ECE2: variants seen among roughly 807,000 people sequenced by gnomAD.
The protein encoded by ECE2 is endothelin-converting enzyme 2.
A neutral mutation model predicts 100.6 loss-of-function variants in ECE2; 81 were observed. The ratio of observed to expected loss-of-function variants is 0.81; its 90% CI spans 0.67 to 0.97. The LOEUF is 0.97. Among genes scored for constraint, ECE2 ranks in the 50% least tolerant of loss-of-function variants. The pLI is 0.00. For synonymous variants in ECE2, 391 were observed against 391.5 expected, an observed-to-expected ratio of 1.00 and a Z score of 0.02; for missense variants, 911 against 988.1, an observed-to-expected ratio of 0.92 and a Z score of 1.05.
At chr3:184,277,799 T>G in intron 4 of ECE2, 126 bp from the exon 5 acceptor site, 1 of 1,437,524 alleles carries the variant, frequency 7.0e-7, no homozygotes. Flanking sequence ...TTTCAGACAC[T>G]CTTCCTGGGT....
chr3:184,283,816 A>C lies in ECE2; in HGVS notation c.848A>C (p.Glu283Ala). 6.2e-7 allele frequency: 1 copy of C among 1,613,698 alleles called. No homozygotes were observed. The highest frequency in any genetic ancestry group is 8.5e-7 in the Non-Finnish European group (1 of 1,179,950). The change falls in exon 8 of 19, where the codon GAA becomes GCA. Residue 283 changes from glutamate to alanine, a missense_variant. Glu to Ala is a moderately radical substitution (Grantham distance 107). Coordinates refer to ENST00000404464, the MANE Select transcript of ECE2 (RefSeq NM_001100121.2). ...ACTGCCTATCTGGATTACATGGAGG[A>C]ACTGGGGATGCTGCTGGGTGGGCGG... ...VLTAYLDYME[E>A]LGMLLGGRPT...
At chr3:184,280,573 A>G (rs372349239) in intron 7 of ECE2, among the ~76,000 whole-genome samples, 1 of 152,328 alleles carries the variant, frequency 6.6e-6, no homozygotes. Context: ...TAACCAGGCC[A>G]GGCAGGGTGT....
rs761920222 is a variant in ECE2 at position 184,277,386 on chromosome 3, C to T, written c.398C>T (p.Pro133Leu). The change falls in exon 4 of 19, where the codon CCC becomes CTC. Residue 133 changes from proline (P) to leucine (L), a missense_variant. By Grantham distance (98) the Pro-to-Leu change is moderately conservative (BLOSUM62 -3). Transcript: ENST00000404464. Reference protein sequence around the residue: ...FSCGGWIRRNPLPDGRSRWNT... With the variant: ...FSCGGWIRRNLLPDGRSRWNT... ...TGTGGGGGCTGGATTCGGAGGAACC[C>T]CCTGCCCGATGGGCGTTCTCGCTGG... The T allele has an allele frequency of 1.2e-6, 2 of 1,614,234 alleles. No individual in the cohort carries two copies. Among genetic ancestry groups the T allele is most frequent in the South Asian group, 2.2e-5 (2 of 91,090 alleles).
At chr3:184,276,763 G>T (rs967533077) in intron 2 of ECE2, 129 bp from the exon 3 acceptor site, 2 of 1,559,528 alleles carry the variant, frequency 1.3e-6, no homozygotes, top group South Asian at 1.2e-5. Context: ...CAACTCACTG[G>T]CTGGCCTCAT....
chr3:184,289,455 G>A lies in ECE2; in HGVS notation c.1393G>A (p.Glu465Lys), dbSNP rs768465087. ...CTCCCAGGCAGAGGGGATGATCAGC[G>A]AAATCCGGACCGCATTTGAGGAGGC... ...SKEIAEGMIS[E>K]IRTAFEEALG... is the part of the protein sequence containing the mutation. The change falls in exon 12 of 19, where the codon GAA becomes AAA. Residue 465 changes from glutamate to lysine, a missense_variant. Coordinates refer to ENST00000404464, the MANE Select transcript of ECE2 (RefSeq NM_001100121.2). The surrounding 1 kb of genome is among the most constrained non-coding windows in gnomAD (Gnocchi z 4.1). 4.4e-6 allele frequency: 7 copies of A among 1,608,786 alleles called. No individual in the cohort carries two copies. The highest frequency in any genetic ancestry group is 1.1e-5 in the South Asian group (1 of 90,102).
chr3:184,282,952 C>T (rs1720868553), intron 7 of ECE2, among the ~76,000 whole-genome samples: 1 of 152,156 alleles, frequency 6.6e-6, no homozygotes, highest in African/African-American at 2.4e-5. Context: ...GAGAAAGCAG[C>T]TAGCTTGAGG....
chr3:184,290,385 A>G (rs760260018), intron 14 of ECE2, 27 bp downstream of exon 14: 1 of 1,606,136 alleles, frequency 6.2e-7, no homozygotes, highest in South Asian at 1.1e-5. Flanking sequence ...GGACATAGAC[A>G]CTAGGGGTGG....
chr3:184,290,315 A>T lies in ECE2; in HGVS notation c.1612A>T (p.Lys538Ter). The T allele has an allele frequency of 3.1e-6, 5 of 1,614,134 alleles. No homozygotes were observed. The highest frequency in any genetic ancestry group is 4.2e-6 in the Non-Finnish European group (5 of 1,180,012). The change falls in exon 14 of 19, where the codon AAG (lysine) becomes TAG (stop). Residue 538 changes from lysine (K) to a stop codon, truncating the protein, a stop_gained. Transcript: ENST00000404464. LOFTEE classifies it high-confidence loss of function. ...GTTGAATTTGTACAACTTCTCTGCC[A>T]AGGTTATGGCTGACCAGCTCCGCAA... ...NMLNLYNFSAKVMADQLRKPP... is the reference protein window; with the variant it reads ...NMLNLYNFSA
chr3:184,285,439 C>T (rs1560185375), intron 9 of ECE2, 39 bp from the exon 10 acceptor site: 1 of 1,476,556 alleles, frequency 6.8e-7, no homozygotes, highest in East Asian at 2.3e-5. Context: ...TGAAGGGCAT[C>T]CCACCTGCCC....
Position 184,290,866 on chromosome 3 carries a change from G to A in ECE2, c.1834+6G>A. 6.2e-7 allele frequency: 1 copy of A among 1,614,182 alleles called. No homozygotes were observed. The highest frequency in any genetic ancestry group is 8.5e-7 in the Non-Finnish European group (1 of 1,180,036). On this transcript the variant is annotated splice_donor_region_variant and intron_variant, in intron 16 of 18. Transcript: ENST00000404464. ...GCATGCCTTTGATGACCAAGGTAGG[G>A]GCCCATGGAGTCGTCCCCTCTAGCC... is the stretch of plus-strand genomic sequence containing the variant.
At chr3:184,286,837 G>A (rs966186737) in intron 10 of ECE2, among the ~76,000 whole-genome samples, 1 of 151,632 alleles carries the variant, frequency 6.6e-6, no homozygotes, top group African/African-American at 2.4e-5. Context: ...ACTGAGTGTG[G>A]TGGCTCGTGC....
At chr3:184,276,278 C>A in intron 1 of ECE2, 86 bp downstream of exon 1, 1 of 1,423,542 alleles carries the variant, frequency 7.0e-7, no homozygotes, top group East Asian at 2.5e-5. Context: ...GCAGGCGGTG[C>A]CCGGCTCGCG....
In ECE2 at chr3:184,292,236, T is replaced by C. The variant is rs1432631584; in HGVS notation, c.2296T>C (p.Ter766GlnextTer44). 1.2e-5 allele frequency: 20 copies of C among 1,613,814 alleles called. No homozygotes were observed. The highest frequency in any genetic ancestry group is 1.5e-5 in the Non-Finnish European group (18 of 1,179,918). Residue 766 changes from the stop codon to glutamine, a stop_lost, in exon 19 of 19, where the codon TAG (stop) becomes CAG (glutamine). Coordinates refer to ENST00000404464, the MANE Select transcript of ECE2 (RefSeq NM_001100121.2). The stretch of plus-strand genomic sequence containing the variant: ...CCCAGGGCAGCTGTGTGAGGTGTGG[T>C]AGACCTGGATCAGGGGAGAAATGGC... ...MNPGQLCEVW[*>Q] is the part of the protein sequence containing the mutation.
At position 184,292,619 on chromosome 3, in the gene ECE2, C is replaced by T. The variant is rs2108435846; in HGVS notation, c.*381C>T. 3.9e-6 allele frequency: 1 copy of T among 258,740 alleles called. No individual in the cohort carries two copies. The highest frequency in any genetic ancestry group is 2.2e-5 in the African/African-American group (1 of 46,104). The allele number at this position is 258,740 out of a possible 1,614,324, so 16.0% of individuals were successfully genotyped here. ...ACCCACAGGCCTGGGTGGTGTACCT[C>T]CTGGACTTCTCCCCAGGCTCACTCA... On this transcript the variant is annotated 3_prime_UTR_variant, in exon 19 of 19. Transcript: ENST00000404464.
rs1357674416 is a variant in ECE2, at chr3:184,291,175, G to A, written c.1970G>A (p.Arg657His). The A allele has an allele frequency of 1.5e-5, 24 of 1,613,736 alleles. No individual in the cohort carries two copies. The highest frequency in any genetic ancestry group is 1.1e-4 in the African/African-American group (8 of 74,944). Residue 657 changes from arginine (R) to histidine (H), a missense_variant, in exon 17 of 19, where the codon CGC becomes CAC. Arg to His is a conservative substitution (Grantham distance 29, BLOSUM62 0). Coordinates refer to ENST00000404464, the MANE Select transcript of ECE2 (RefSeq NM_001100121.2). This position sits in a 1 kb window ranked among gnomAD's most constrained non-coding sequence, Gnocchi z 4.1. ...GTCAATGGGGAGAGGCTCAACGGCC[G>A]CCAGACGCTGGGGGAGAACATTGCT... ...YQVNGERLNG[R>H]QTLGENIADN...
rs372743475 is a variant in ECE2, at chr3:184,289,412, G to C, written c.1375-25G>C. ...AGGGATGCATTCAGTGCAGGGGAAG[G>C]CTGACTTTACCTCCTCCCTCCCAGG... On this transcript the variant is annotated intron_variant, in intron 11 of 18. Transcript: ENST00000404464. This position sits in a 1 kb window ranked among gnomAD's most constrained non-coding sequence, Gnocchi z 4.1. The C allele has an allele frequency of 3.6e-5, 56 of 1,575,010 alleles. No individual in the cohort carries two copies. In the African/African-American group the frequency reaches 6.5e-4, roughly 18 times the overall value.
At position 184,276,076 on chromosome 3, in the gene ECE2, G is replaced by C. The variant is rs1224164924; in HGVS notation, c.-78G>C. The C allele has an allele frequency of 1.6e-6, 2 of 1,225,476 alleles. No homozygotes were observed. The highest frequency in any genetic ancestry group is 2.0e-6 in the Non-Finnish European group (2 of 983,460). 75.9% of individuals were successfully genotyped at this position (1,225,476 alleles called of 1,614,324 possible). A position where few individuals can be genotyped will look rare whatever the true frequency, so the allele number is the denominator to read the frequency against. On this transcript the variant is annotated 5_prime_UTR_variant, in exon 1 of 19. Coordinates refer to ENST00000404464, the MANE Select transcript of ECE2 (RefSeq NM_001100121.2). ...CGTGATGGCTGGTGACGGCGGGGCC[G>C]GGCAGGGGACCGGGGCCGCGGCCCG...
chr3:184,289,377 T>C lies in ECE2; in HGVS notation c.1375-60T>C. ...ACAGGGATGGGGCACCAAGGGTGGA[T>C]GGGTGGGGCAGGGATGCATTCAGTG... On this transcript the variant is annotated intron_variant, in intron 11 of 18. Coordinates refer to ENST00000404464, the MANE Select transcript of ECE2 (RefSeq NM_001100121.2). The surrounding 1 kb of genome is among the most constrained non-coding windows in gnomAD (Gnocchi z 4.1). 1 of 1,493,836 alleles carries C rather than the reference T, an allele frequency of 6.7e-7. No individual in the cohort carries two copies. 92.5% of individuals were successfully genotyped at this position (1,493,836 alleles called of 1,614,324 possible).
At chr3:184,276,598 G>A (rs765617903) in intron 2 of ECE2, 31 bp downstream of exon 2, 8 of 1,597,616 alleles carry the variant, frequency 5.0e-6, no homozygotes, top group Non-Finnish European at 6.8e-6. Flanking sequence ...TTTCTCACCA[G>A]GCCCCAGCCC....
Sources: allele counts gnomAD v4.1 joint callset (sites outside exome capture counted in the v4.1 genomes callset), GRCh38; gene constraint gnomAD v4.1.1; non-coding constraint Gnocchi (gnomAD v3.1); transcripts MANE v1.5; gene names NCBI Gene and HGNC (gene_info 2026-07-23, HGNC 2026-07-21).